The following SIPA1L1 variants were observed in gnomAD, a reference collection of about 807,000 sequenced individuals.
SIPA1L1 encodes signal-induced proliferation-associated 1-like protein 1.
SIPA1L1 carries 26 observed loss-of-function variants against 162.7 expected under a neutral mutation model. The ratio of observed to expected loss-of-function variants is 0.16; its 90% CI spans 0.12 to 0.22. The LOEUF (loss-of-function observed/expected upper bound fraction) is 0.22. Among genes scored for constraint, SIPA1L1 ranks in the 10% least tolerant of loss-of-function variants. SIPA1L1 has a pLI of 1.00. For synonymous variants in SIPA1L1, 829 were observed against 837.4 expected (o/e 0.99, Z 0.17); for missense variants, 1,874 against 2,241.0 (o/e 0.84, Z 3.31).
intron 4 of SIPA1L1, among the ~76,000 whole-genome samples, chr14:71,566,942 G>A (rs1400561330): frequency 6.6e-6 from 1 of 152,080 alleles, no homozygotes; most frequent in East Asian, 1.9e-4. Context: ...AATATCCATA[G>A]TATATAAAGG....
At chr14:71,489,750 T>C (rs1197045814) in intron 2 of SIPA1L1, among the ~76,000 whole-genome samples, 3 of 151,978 alleles carry the variant, frequency 2.0e-5, no homozygotes, top group Non-Finnish European at 4.4e-5. Context: ...TCTCATAATG[T>C]TTTAAGAAAG....
chr14:71,332,959 GTATT>G (rs921240170), intron 2 of SIPA1L1, among the ~76,000 whole-genome samples: 2 of 152,160 alleles, frequency 1.3e-5, no homozygotes, highest in African/African-American at 2.4e-5. Flanking sequence ...GAAATTTAGA[GTATT>G]TGTTTTTAAC....
In SIPA1L1 at chr14:71,650,371, A is replaced by G. The variant is rs200846487; in HGVS notation, c.1855A>G (p.Lys619Glu). 3.7e-6 allele frequency: 6 copies of G among 1,614,194 alleles called. No individual in the cohort carries two copies. The Middle Eastern group carries it at 5.0e-4, about 133-fold the overall frequency. The change falls in exon 8 of 24, where the codon AAA (lysine) becomes GAA (glutamate). Residue 619 changes from lysine to glutamate, a missense_variant. By Grantham distance (56) the Lys-to-Glu change is moderately conservative. This residue lies in a region of SIPA1L1 where 685 missense variants were observed against 828.0 expected (regional missense o/e 0.83). Coordinates refer to ENST00000381232, the MANE Select transcript of SIPA1L1 (RefSeq NM_001386936.1). ...YQQKVGIMYC[K>E]AGQSTEEEMY... ...GCAGAAAGTAGGCATCATGTACTGC[A>G]AAGCTGGACAGAGCACTGAAGAAGA...
chr14:71,671,129 A>T lies in SIPA1L1; in HGVS notation c.2266A>T (p.Thr756Ser). 1 of 1,600,546 alleles carries T rather than the reference A, an allele frequency of 6.2e-7. No homozygotes were observed. Among genetic ancestry groups the T allele is most frequent in the Non-Finnish European group, 8.5e-7 (1 of 1,171,788 alleles). The change falls in exon 11 of 24, where the codon ACC becomes TCC. Residue 756 changes from threonine (T) to serine (S), a missense_variant. Around this residue, in one of 5 missense-constraint regions of SIPA1L1, gnomAD observed 243 missense variants for 315.0 expected, o/e 0.77. Transcript: ENST00000381232. The stretch of plus-strand genomic sequence containing the variant: ...ATCTTTGTCTCTCAGTGTGGCTGTT[A>T]CCAGGTCCAGAGATGTGCCTTCCTT... Reference protein sequence around the residue: ...SDSVCYSVAVTRSRDVPSFGP... With the variant: ...SDSVCYSVAVSRSRDVPSFGP...
intron 4 of SIPA1L1, among the ~76,000 whole-genome samples, chr14:71,580,273 C>A (rs1015071648): frequency 6.6e-6 from 1 of 152,166 alleles, no homozygotes; most frequent in Non-Finnish European, 1.5e-5. Flanking sequence ...TAGAGACATT[C>A]TTCAGATTTA....
intron 2 of SIPA1L1, among the ~76,000 whole-genome samples, chr14:71,447,019 C>T (rs1351169578): frequency 7.1e-6 from 1 of 140,382 alleles, no homozygotes; most frequent in African/African-American, 2.6e-5. Context: ...TCAAGTGATT[C>T]TCCTATCTCG....
intron 7 of SIPA1L1, among the ~76,000 whole-genome samples, chr14:71,644,023 G>C (rs868810794): frequency 1.7e-4 from 26 of 152,212 alleles, no homozygotes; most frequent in Middle Eastern, 3.4e-3. Flanking sequence ...AGTCAGGCTG[G>C]TCTCAAACTC....
At chr14:71,423,056 T>C (rs2043303349) in intron 2 of SIPA1L1, among the ~76,000 whole-genome samples, 1 of 152,218 alleles carries the variant, frequency 6.6e-6, no homozygotes, top group African/African-American at 2.4e-5. Flanking sequence ...TTTTGATTTG[T>C]ATTTCTCTAA....
chr14:71,532,846 A>C (rs200384450), intron 4 of SIPA1L1, among the ~76,000 whole-genome samples: 1 of 152,320 alleles, frequency 6.6e-6, no homozygotes, highest in East Asian at 1.9e-4. Context: ...CATGGTTCCC[A>C]TACTATTTTC....
intron 2 of SIPA1L1, among the ~76,000 whole-genome samples, chr14:71,478,285 A>G (rs2048044740): frequency 6.6e-6 from 1 of 152,062 alleles, no homozygotes; most frequent in East Asian, 1.9e-4. Flanking sequence ...TATTTGTTGC[A>G]TATGTGATTT....
intron 2 of SIPA1L1, among the ~76,000 whole-genome samples, chr14:71,394,369 A>C (rs565197130): frequency 1.3e-5 from 2 of 152,336 alleles, no homozygotes; most frequent in South Asian, 4.1e-4. Flanking sequence ...GTAGCTAGAA[A>C]ATGGTTTGTA....
intron 2 of SIPA1L1, among the ~76,000 whole-genome samples, chr14:71,478,851 C>CT (rs1249378558): frequency 2.0e-5 from 3 of 152,220 alleles, no homozygotes; most frequent in African/African-American, 7.2e-5. Context: ...CAGAGCTCCT[C>CT]TGATCAGAGA....
chr14:71,391,187 A>G (rs1344967402), intron 2 of SIPA1L1, among the ~76,000 whole-genome samples: 3 of 149,548 alleles, frequency 2.0e-5, no homozygotes, highest in Non-Finnish European at 4.4e-5. Flanking sequence ...GCTCACTGCA[A>G]GCTCTGCCTC....
At chr14:71,666,099 G>C (rs902438836) in intron 10 of SIPA1L1, among the ~76,000 whole-genome samples, 10 of 152,044 alleles carry the variant, frequency 6.6e-5, no homozygotes, top group African/African-American at 2.2e-4. Context: ...ATCATCAAAG[G>C]ATGCAAATAC....
chr14:71,337,458 A>G (rs1353621748), intron 2 of SIPA1L1, among the ~76,000 whole-genome samples: 2 of 152,192 alleles, frequency 1.3e-5, no homozygotes, highest in Admixed American at 6.5e-5. Context: ...GGGAAGCCTC[A>G]CAATCATGGC....
chr14:71,685,570 C>G lies in SIPA1L1; in HGVS notation c.3313C>G (p.Pro1105Ala). 6.2e-7 allele frequency: 1 copy of G among 1,614,200 alleles called. No individual in the cohort carries two copies. Among genetic ancestry groups the G allele is most frequent in the South Asian group, 1.1e-5 (1 of 91,076 alleles). ...AGKGDGKMPP[P>A]ERAANIPRSI... is the part of the protein sequence containing the mutation. ...AAAAGGAGATGGGAAGATGCCTCCT[C>G]CAGAAAGAGCCGCCAACATCCCTCG... The change falls in exon 13 of 24, where the codon CCA becomes GCA. Residue 1105 changes from proline to alanine, a missense_variant. By Grantham distance (27) the Pro-to-Ala change is conservative (BLOSUM62 -1). Around this residue, in one of 5 missense-constraint regions of SIPA1L1, gnomAD observed 936 missense variants for 1,051.9 expected, o/e 0.89. Transcript: ENST00000381232.
At chr14:71,453,810 A>G (rs906608379) in intron 2 of SIPA1L1, among the ~76,000 whole-genome samples, 2 of 151,996 alleles carry the variant, frequency 1.3e-5, no homozygotes, top group African/African-American at 2.4e-5. Context: ...CTTAGCTAAC[A>G]TGGTGCAACC....
intron 14 of SIPA1L1, 133 bp downstream of exon 14, chr14:71,699,260 T>G: frequency 1.2e-6 from 1 of 869,184 alleles, no homozygotes; most frequent in Non-Finnish European, 1.8e-6. Flanking sequence ...GAAAACGTAG[T>G]TAATAATCCA....
intron 2 of SIPA1L1, among the ~76,000 whole-genome samples, chr14:71,464,323 C>T (rs964338710): frequency 2.6e-5 from 4 of 152,166 alleles, no homozygotes; most frequent in Non-Finnish European, 5.9e-5. Context: ...TAGAACCTTT[C>T]TTAACTCCCC....
Sources: gnomAD v4.1 joint callset for allele counts (sites outside exome capture counted in the v4.1 genomes callset) on GRCh38, gnomAD v4.1.1 for gene constraint, gnomAD v4.1.1 regional missense constraint, MANE v1.5 for transcripts, NCBI Gene and HGNC (gene_info 2026-07-23, HGNC 2026-07-21) for gene names.